KLRG2: variants seen among roughly 807,000 people sequenced by gnomAD.
KLRG2 encodes killer cell lectin like receptor G2, also known as killer cell lectin-like receptor subfamily G member 2.
A neutral mutation model predicts 35.4 loss-of-function variants in KLRG2; 39 were observed. The observed-to-expected ratio is 1.10, with a 90% CI of 0.85 to 1.44. The LOEUF (loss-of-function observed/expected upper bound fraction) is 1.44. Among genes scored for constraint, KLRG2 ranks in the 40% most tolerant of loss-of-function variants. The pLI, the probability that KLRG2 is intolerant of heterozygous loss-of-function variation, is 0.00. For missense variants in KLRG2, 632 were observed against 570.9 expected (o/e 1.11, Z -1.09); for synonymous variants, 283 against 265.8 (o/e 1.06, Z -0.63).
In KLRG2 at chr7:139,482,871, C is replaced by A. The variant is rs765213225; in HGVS notation, c.757+15G>T. The A allele has an allele frequency of 2.9e-6, 4 of 1,397,518 alleles. No individual in the cohort carries two copies. Among genetic ancestry groups the A allele is most frequent in the Non-Finnish European group, 3.7e-6 (4 of 1,081,976 alleles). The allele number at this position is 1,397,518 out of a possible 1,614,324, so 86.6% of individuals were successfully genotyped here. A position where few individuals can be genotyped will look rare whatever the true frequency, so the allele number is the denominator to read the frequency against. On this transcript the variant is annotated intron_variant, in intron 1 of 4. Coordinates refer to ENST00000340940, the MANE Select transcript of KLRG2 (RefSeq NM_198508.4). Reference sequence around the variant, plus strand: ...GACCTGGCGGCGTCGGCTGCCGGCGCAGGTGAGCACTCACCCGTAAGCGTT... The same window carrying A: ...GACCTGGCGGCGTCGGCTGCCGGCGAAGGTGAGCACTCACCCGTAAGCGTT...
At position 139,453,074 on chromosome 7, in the gene KLRG2, C is replaced by T. The variant is rs1796398602; in HGVS notation, c.*513G>A. On this transcript the variant is annotated 3_prime_UTR_variant, in exon 5 of 5. Coordinates refer to ENST00000340940, the MANE Select transcript of KLRG2 (RefSeq NM_198508.4). ...CTTTCCAGGGCTGACCGCTCCTTTT[C>T]CTTGGTTAATTTTCCAGAGGCTGCC... 1 of 163,394 alleles carries T rather than the reference C, an allele frequency of 6.1e-6. No individual in the cohort carries two copies. Among genetic ancestry groups the T allele is most frequent in the African/African-American group, 2.4e-5 (1 of 41,790 alleles). The allele number at this position is 163,394 out of a possible 1,614,324, so 10.1% of individuals were successfully genotyped here.
At chr7:139,454,240 C>A in intron 3 of KLRG2, 26 bp from the exon 4 acceptor site, 1 of 1,135,356 alleles carries the variant, frequency 8.8e-7, no homozygotes, top group Non-Finnish European at 1.3e-6. Context: ...AAGCTGGTCA[C>A]TCCCCTGGAC....
chr7:139,480,153 T>C lies in KLRG2; in HGVS notation c.852A>G (p.Ser284=). 6.2e-7 allele frequency: 1 copy of C among 1,612,450 alleles called. No homozygotes were observed. Among genetic ancestry groups the C allele is most frequent in the South Asian group, 1.1e-5 (1 of 91,042 alleles). The change falls in exon 2 of 5, where the codon TCA becomes TCG. Residue 284 remains serine, a synonymous_variant. Transcript: ENST00000340940. ...ACTGCAGGGACACCATACCTGCTCT[T>C]GAGGCCAGGACCACAATGACAACCC... ...VSGVVIVVLA[S]RAGARCQQCP...
the KLRG2 span, among the ~76,000 whole-genome samples, chr7:139,444,565 C>T: frequency 3.9e-5 from 6 of 152,152 alleles, no homozygotes; most frequent in African/African-American, 1.2e-4. Flanking sequence ...CTCCATGCCA[C>T]GTGAGGACAC....
chr7:139,445,579 C>T, the KLRG2 span, among the ~76,000 whole-genome samples: 3 of 151,550 alleles, frequency 2.0e-5, 1 homozygote, highest in South Asian at 4.2e-4. Flanking sequence ...TGAGGCCTGA[C>T]AGGTGGCAGG....
chr7:139,475,913 TA>T (rs1796841912), intron 3 of KLRG2, among the ~76,000 whole-genome samples: 2 of 151,224 alleles, frequency 1.3e-5, no homozygotes, highest in Non-Finnish European at 2.9e-5. Flanking sequence ...TGAATTAAAT[TA>T]CAGGACACCC....
At position 139,483,221 on chromosome 7, in the gene KLRG2, G is replaced by T; in HGVS notation, c.422C>A (p.Thr141Lys). ...GCGCGTGGAGGGCCTGGGCGATGGC[G>T]TGCTGCTGCCACCGGCCGCGCCCAC... is the stretch of plus-strand genomic sequence containing the variant. The part of the protein sequence containing the change: ...KPVGAAGGSS[T>K]PSPRPSTRFL... Residue 141 changes from threonine (T) to lysine (K), a missense_variant, in exon 1 of 5, where the codon ACG (threonine) becomes AAG (lysine). Transcript: ENST00000340940. 6.5e-7 allele frequency: 1 copy of T among 1,532,666 alleles called. No homozygotes were observed. The highest frequency in any genetic ancestry group is 2.0e-5 in the Admixed American group (1 of 50,778). 94.9% of individuals were successfully genotyped at this position (1,532,666 alleles called of 1,614,324 possible). A position where few individuals can be genotyped will look rare whatever the true frequency, so the allele number is the denominator to read the frequency against.
intron 3 of KLRG2, among the ~76,000 whole-genome samples, chr7:139,463,569 C>G (rs1304197762): frequency 2.0e-5 from 3 of 152,228 alleles, no homozygotes; most frequent in Non-Finnish European, 4.4e-5. Context: ...GCTTCAAGTG[C>G]CAGAAATCTG....
At chr7:139,444,417 G>A in the KLRG2 span, among the ~76,000 whole-genome samples, 112 of 152,296 alleles carry the variant, frequency 7.4e-4, no homozygotes, top group African/African-American at 2.6e-3. Context: ...CCTGAACTCA[G>A]GTGATCCACC....
At chr7:139,460,786 C>A (rs1030260924) in intron 3 of KLRG2, among the ~76,000 whole-genome samples, 1 of 151,464 alleles carries the variant, frequency 6.6e-6, no homozygotes, top group Non-Finnish European at 1.5e-5. Context: ...TGGTGAAACT[C>A]CACCTCTACT....
intron 3 of KLRG2, among the ~76,000 whole-genome samples, chr7:139,476,431 C>T (rs34777268): frequency 0.066 from 9,809 of 149,374 alleles, 683 homozygotes; most frequent in East Asian, 0.39. Flanking sequence ...CTCTCTGGCC[C>T]GGTGTCACTA....
At chr7:139,432,754 A>T in the KLRG2 span, among the ~76,000 whole-genome samples, 1 of 152,282 alleles carries the variant, frequency 6.6e-6, no homozygotes, top group African/African-American at 2.4e-5. Flanking sequence ...AGTCACCTCT[A>T]CATTGCTTAT....
chr7:139,435,743 G>T, the KLRG2 span, among the ~76,000 whole-genome samples: 1 of 152,172 alleles, frequency 6.6e-6, no homozygotes, highest in Admixed American at 6.5e-5. Flanking sequence ...ATGCTGCTGA[G>T]ACTCACCCGT....
chr7:139,483,456 C>G lies in KLRG2; in HGVS notation c.187G>C (p.Glu63Gln), dbSNP rs764827999. Residue 63 changes from glutamate (E) to glutamine (Q), a missense_variant, in exon 1 of 5, where the codon GAG (glutamate) becomes CAG (glutamine). Transcript: ENST00000340940. The stretch of plus-strand genomic sequence containing the variant: ...GGCGGCTTTTTCTTGCTCGAGGGCT[C>G]CAGGCCTGCGCCCGCCGCCTTCTCC... ...AVEKAAGAGL[E>Q]PSSKKKPPSP... 6.3e-7 allele frequency: 1 copy of G among 1,589,156 alleles called. No individual in the cohort carries two copies. The highest frequency in any genetic ancestry group is 1.1e-5 in the South Asian group (1 of 89,472).
At position 139,480,162 on chromosome 7, in the gene KLRG2, G is replaced by C; in HGVS notation, c.843C>G (p.Val281=). ...LLAVSGVVIV[V]LASRAGARCQ... ...ACACCATACCTGCTCTTGAGGCCAG[G>C]ACCACAATGACAACCCCAGAGACTG... Residue 281 remains valine (V), a synonymous_variant, in exon 2 of 5, where the codon GTC becomes GTG. Coordinates refer to ENST00000340940, the MANE Select transcript of KLRG2 (RefSeq NM_198508.4). 1 of 1,613,288 alleles carries C rather than the reference G, an allele frequency of 6.2e-7. No individual in the cohort carries two copies. Among genetic ancestry groups the C allele is most frequent in the South Asian group, 1.1e-5 (1 of 91,054 alleles).
chr7:139,449,061 G>A (rs1434491195), downstream of KLRG2, among the ~76,000 whole-genome samples: 4 of 150,846 alleles, frequency 2.7e-5, no homozygotes, highest in African/African-American at 9.8e-5. Context: ...AGCCGAGATC[G>A]CACCACTGCA....
intron 2 of KLRG2, 49 bp from the exon 3 acceptor site, chr7:139,479,821 TAAAC>T (rs1207158163): frequency 2.5e-6 from 4 of 1,581,642 alleles, no homozygotes; most frequent in African/African-American, 1.3e-5. Flanking sequence ...CTGCATTAAA[TAAAC>T]AAAGCCTGGC....
intron 3 of KLRG2, among the ~76,000 whole-genome samples, chr7:139,474,390 G>A (rs1239691960): frequency 6.6e-6 from 1 of 152,072 alleles, no homozygotes. Context: ...GGGGAAAAGC[G>A]ATTTTCTACC....
Position 139,453,606 on chromosome 7 carries a change from C to T in KLRG2, c.1211G>A (p.Cys404Tyr), listed in dbSNP as rs917238667. 2 of 1,607,008 alleles carry T rather than the reference C, an allele frequency of 1.2e-6. No individual in the cohort carries two copies. The highest frequency in any genetic ancestry group is 2.7e-5 in the African/African-American group (2 of 74,782). Residue 404 changes from cysteine to tyrosine, a missense_variant, in exon 5 of 5, where the codon TGT (cysteine) becomes TAT (tyrosine). By Grantham distance (194) the Cys-to-Tyr change is radical. Coordinates refer to ENST00000340940, the MANE Select transcript of KLRG2 (RefSeq NM_198508.4). ...CCCAGATCACTGGGTCCCCTTGGCA[C>T]AGACCCAGGGTCTTGGAGTGCTGCA... ...ANCSTPRPWV[C>Y]AKGTQ
Sources: allele counts gnomAD v4.1 joint callset (sites outside exome capture counted in the v4.1 genomes callset), GRCh38; gene constraint gnomAD v4.1.1; transcripts MANE v1.5; gene names NCBI Gene and HGNC (gene_info 2026-07-23, HGNC 2026-07-21).